DNAH12: variants seen among roughly 807,000 people sequenced by gnomAD.
The protein encoded by DNAH12 is dynein axonemal heavy chain 12.
DNAH12 carries 285 observed loss-of-function variants against 371.5 expected under a neutral mutation model. That is an observed-to-expected ratio of 0.77 (90% CI 0.70 to 0.85). The LOEUF (loss-of-function observed/expected upper bound fraction) is 0.85. DNAH12 is among the 40% of genes least tolerant of loss of function. DNAH12 has a pLI of 0.00. For missense variants in DNAH12, 3,611 were observed against 3,689.4 expected, an observed-to-expected ratio of 0.98 and a Z score of 0.55; for synonymous variants, 1,200 against 1,213.0, an observed-to-expected ratio of 0.99 and a Z score of 0.22.
At chr3:57,350,941 C>T (rs1351625874) in intron 60 of DNAH12, among the ~76,000 whole-genome samples, 1 of 152,084 alleles carries the variant, frequency 6.6e-6, no homozygotes, top group African/African-American at 2.4e-5. Flanking sequence ...TAATATGTAT[C>T]ACATACCAAA....
chr3:57,381,872 TATA>T (rs1261684419), intron 50 of DNAH12, among the ~76,000 whole-genome samples: 5 of 50,798 alleles, frequency 9.8e-5, no homozygotes, highest in Non-Finnish European at 1.6e-4. Flanking sequence ...ACCATATATA[TATA>T]TTTTTTTTTT....
chr3:57,306,729 A>G (rs1216541581), intron 69 of DNAH12, among the ~76,000 whole-genome samples: 1 of 152,182 alleles, frequency 6.6e-6, no homozygotes, highest in Non-Finnish European at 1.5e-5. Flanking sequence ...CGCCTGCCAC[A>G]GCATGGCCTT....
intron 39 of DNAH12, among the ~76,000 whole-genome samples, chr3:57,409,007 T>C (rs575778163): frequency 2.8e-4 from 42 of 152,360 alleles, no homozygotes; most frequent in African/African-American, 9.9e-4. Context: ...CTAAGTTATA[T>C]ACTAAAACTG....
intron 30 of DNAH12, 33 bp downstream of exon 30, chr3:57,436,918 A>G (rs947646721): frequency 7.7e-7 from 1 of 1,295,340 alleles, no homozygotes; most frequent in African/African-American, 1.6e-5. Flanking sequence ...TAATTAAGAA[A>G]TAACATCTAA....
At chr3:57,314,117 G>C (rs995964546) in intron 66 of DNAH12, among the ~76,000 whole-genome samples, 1 of 152,180 alleles carries the variant, frequency 6.6e-6, no homozygotes, top group African/African-American at 2.4e-5. Context: ...ACTTGACCAA[G>C]TGGAGGAAAG....
At chr3:57,396,862 C>T (rs1047595420) in intron 43 of DNAH12, among the ~76,000 whole-genome samples, 13,768 of 152,030 alleles carry the variant, frequency 0.091, 2,090 homozygotes, top group African/African-American at 0.31. Context: ...ACTAAAAATA[C>T]AGGAAAAAAA....
intron 42 of DNAH12, among the ~76,000 whole-genome samples, chr3:57,404,242 T>C (rs542310711): frequency 1.0e-3 from 159 of 152,234 alleles, no homozygotes; most frequent in African/African-American, 3.7e-3. Context: ...GGTACAATTA[T>C]ATAATAGAAT....
At chr3:57,524,424 T>C (rs927970990) in intron 2 of DNAH12, among the ~76,000 whole-genome samples, 1 of 152,210 alleles carries the variant, frequency 6.6e-6, no homozygotes, top group African/African-American at 2.4e-5. Flanking sequence ...GAGATTTTTT[T>C]TGCATTCATA....
chr3:57,307,323 CT>C (rs2061493543), intron 69 of DNAH12, among the ~76,000 whole-genome samples: 2 of 152,168 alleles, frequency 1.3e-5, no homozygotes, highest in Admixed American at 1.3e-4. Context: ...CCCCACTCCT[CT>C]TTCCATTCCT....
Position 57,394,263 on chromosome 3 carries a change from C to G in DNAH12, c.7018G>C (p.Glu2340Gln), listed in dbSNP as rs1347589924. 1.3e-5 allele frequency: 2 copies of G among 152,246 alleles called. No individual in the cohort carries two copies. The highest frequency in any genetic ancestry group is 2.9e-5 in the Non-Finnish European group (2 of 68,058). 9.4% of individuals were successfully genotyped at this position (152,246 alleles called of 1,614,324 possible). A position where few individuals can be genotyped will look rare whatever the true frequency, so the allele number is the denominator to read the frequency against. The change falls in exon 44 of 74, where the codon GAG (glutamate) becomes CAG (glutamine). Residue 2340 changes from glutamate to glutamine, a missense_variant. Transcript: ENST00000495027. ...VFLITDTQIK[E>Q]EAFLEDIDSV... ...TCGATATCCTCTAGGAAAGCTTCCT[C>G]TTTAATCTGAGTGTCCGTGATAAGA...
intron 2 of DNAH12, among the ~76,000 whole-genome samples, chr3:57,531,930 G>T (rs1035474292): frequency 6.6e-6 from 1 of 151,940 alleles, no homozygotes; most frequent in Non-Finnish European, 1.5e-5. Context: ...CTTCTATCCT[G>T]TCTCTTTCTC....
At position 57,542,789 on chromosome 3, in the gene DNAH12, C is replaced by T. The variant is rs1392015278; in HGVS notation, c.82G>A (p.Glu28Lys). Reference sequence around the variant, plus strand: ...GTTGGTGTATCAACGCCTATGTTTTCTGGGAGATGGACAATGGGGGGTAAC... The same window carrying T: ...GTTGGTGTATCAACGCCTATGTTTTTTGGGAGATGGACAATGGGGGGTAAC... ...LKLPPIVHLP[E>K]NIGVDTPTQS... Residue 28 changes from glutamate (E) to lysine (K), a missense_variant, in exon 2 of 74, where the codon GAA becomes AAA. This residue lies in a region of DNAH12 where 1,314 missense variants were observed against 1,398.7 expected (regional missense o/e 0.94). Coordinates refer to ENST00000495027, the MANE Select transcript of DNAH12 (RefSeq NM_001366028.2). 6.2e-7 allele frequency: 1 copy of T among 1,611,208 alleles called. No individual in the cohort carries two copies. The highest frequency in any genetic ancestry group is 1.3e-5 in the African/African-American group (1 of 74,600).
rs749699036 is a variant in DNAH12 at position 57,323,269 on chromosome 3, G to A, written c.10130-9C>T. ...TGCAAATTTCAGCAGGCCTATAAGA[G>A]GCACAAAAAAATGGTCACACTACTT... is the stretch of plus-strand genomic sequence containing the variant. On this transcript the variant is annotated splice_polypyrimidine_tract_variant and intron_variant, in intron 63 of 73. Coordinates refer to ENST00000495027, the MANE Select transcript of DNAH12 (RefSeq NM_001366028.2). The A allele has an allele frequency of 1.9e-4, 293 of 1,540,486 alleles. No individual in the cohort carries two copies. The highest frequency in any genetic ancestry group is 1.7e-4 in the Middle Eastern group (1 of 5,932).
chr3:57,297,107 TC>T (rs1420498251), intron 70 of DNAH12, 123 bp from the exon 71 acceptor site: 7 of 1,085,080 alleles, frequency 6.5e-6, no homozygotes, highest in Non-Finnish European at 9.2e-6. Context: ...GAGGCCCTCT[TC>T]CCTGACGTCA....
chr3:57,408,558 T>A (rs1165007702), intron 39 of DNAH12, 23 bp from the exon 40 acceptor site: 1 of 1,496,698 alleles, frequency 6.7e-7, no homozygotes, highest in Non-Finnish European at 8.9e-7. Context: ...ACACAAAAAA[T>A]TTAGATTATC....
intron 69 of DNAH12, among the ~76,000 whole-genome samples, chr3:57,305,120 A>G (rs1412307796): frequency 6.6e-6 from 1 of 152,088 alleles, no homozygotes; most frequent in African/African-American, 2.4e-5. Flanking sequence ...TCCATCCTAC[A>G]AGATCTAAAT....
At position 57,446,043 on chromosome 3, in the gene DNAH12, C is replaced by T. The variant is rs568572692; in HGVS notation, c.4167G>A (p.Pro1389=). The change falls in exon 27 of 74, where the codon CCG becomes CCA. Residue 1389 remains proline, a synonymous_variant. Transcript: ENST00000495027. ...NPGYAGRSEL[P]DNLKVLFRTV... ...TAAATAATATTACCTTAAGATTGTC[C>T]GGCAATTCAGAGCGTCCTGCATAGC... 21 of 1,546,802 alleles carry T rather than the reference C, an allele frequency of 1.4e-5. No homozygotes were observed. Among genetic ancestry groups the T allele is most frequent in the South Asian group, 8.5e-5 (7 of 82,800 alleles).
At chr3:57,369,170 A>C (rs2063114001) in intron 55 of DNAH12, among the ~76,000 whole-genome samples, 1 of 150,308 alleles carries the variant, frequency 6.7e-6, no homozygotes, top group Non-Finnish European at 1.5e-5. Flanking sequence ...CAGTGAGCTA[A>C]GATTGCGCCA....
intron 22 of DNAH12, among the ~76,000 whole-genome samples, chr3:57,455,133 A>G (rs1225550990): frequency 6.6e-6 from 1 of 152,136 alleles, no homozygotes; most frequent in Non-Finnish European, 1.5e-5. Context: ...TAATGGGTAG[A>G]TTTAACTGTT....
Sources: allele counts gnomAD v4.1 joint callset (sites outside exome capture counted in the v4.1 genomes callset), GRCh38; gene constraint gnomAD v4.1.1; regional missense constraint gnomAD v4.1.1; transcripts MANE v1.5; gene names NCBI Gene and HGNC (gene_info 2026-07-23, HGNC 2026-07-21).